Variants in PCDHGA8 observed in about 807,000 individuals in gnomAD.
The protein encoded by PCDHGA8 is protocadherin gamma-A8.
In PCDHGA8, 45 loss-of-function variants were observed where a neutral mutation model predicts 59.2. That is an observed-to-expected ratio of 0.76 (90% CI 0.60 to 0.98). The LOEUF is 0.98. Among genes scored for constraint, PCDHGA8 ranks in the 50% least tolerant of loss-of-function variants. PCDHGA8 has a pLI of 0.00. For missense variants in PCDHGA8, 1,257 were observed against 1,196.2 expected (o/e 1.05, Z -0.75); for synonymous variants, 531 against 519.0 (o/e 1.02, Z -0.32).
chr5:141,412,634 A>G (rs1322492563), intron 1 of PCDHGA8: 1 of 152,256 alleles, frequency 6.6e-6, no homozygotes, highest in African/African-American at 2.4e-5. Flanking sequence ...TTAAATTATA[A>G]GACTTTTCTG....
intron 1 of PCDHGA8, chr5:141,408,026 G>A (rs1484571389): frequency 2.8e-6 from 3 of 1,081,716 alleles, no homozygotes; most frequent in African/African-American, 3.2e-5. Context: ...ACAACAGAAA[G>A]AAGAAAACCA....
At chr5:141,488,183 T>C (rs1249953031) in intron 1 of PCDHGA8, among the ~76,000 whole-genome samples, 1 of 152,148 alleles carries the variant, frequency 6.6e-6, no homozygotes, top group Non-Finnish European at 1.5e-5. Flanking sequence ...CATAGATCTT[T>C]TGGTCTGGGT....
intron 1 of PCDHGA8, chr5:141,413,078 C>T: frequency 7.7e-7 from 1 of 1,301,152 alleles, no homozygotes; most frequent in Non-Finnish European, 1.1e-6. Flanking sequence ...AGTGCCCAGG[C>T]TACAGAGACA....
chr5:141,399,975 G>A (rs2093929990), intron 1 of PCDHGA8: 2 of 1,612,126 alleles, frequency 1.2e-6, no homozygotes, highest in East Asian at 2.2e-5. Flanking sequence ...TCAGCCTGGG[G>A]CTGCGCACAG....
At chr5:141,418,000 G>T in intron 1 of PCDHGA8, 1 of 1,613,902 alleles carries the variant, frequency 6.2e-7, no homozygotes, top group Non-Finnish European at 8.5e-7. Context: ...GCTCGGTGGT[G>T]GGGAACCTCG....
intron 1 of PCDHGA8, chr5:141,415,110 C>A: frequency 6.2e-7 from 1 of 1,613,666 alleles, no homozygotes; most frequent in Middle Eastern, 1.7e-4. Flanking sequence ...TCAAGCAAAG[C>A]CTCGTAGTGG....
intron 1 of PCDHGA8, among the ~76,000 whole-genome samples, chr5:141,449,708 A>G (rs2098652470): frequency 6.6e-6 from 1 of 151,418 alleles, no homozygotes; most frequent in African/African-American, 2.4e-5. Context: ...CAAACACATT[A>G]TTTTTATATG....
chr5:141,431,617 C>A lies in PCDHGA8; in HGVS notation c.2424+36380C>A. ...GGTATTCCTTCCGGTATGTGGACGA[C>A]AAGGCGGCCCAAGTTTTCAAACTAG... On this transcript the variant is annotated intron_variant, in intron 1 of 3. Coordinates refer to ENST00000398604, the MANE Select transcript of PCDHGA8 (RefSeq NM_032088.2). This position sits in a 1 kb window ranked among gnomAD's most constrained non-coding sequence, Gnocchi z 4.8. 6.2e-7 allele frequency: 1 copy of A among 1,614,236 alleles called. No homozygotes were observed. Among genetic ancestry groups the A allele is most frequent in the Non-Finnish European group, 8.5e-7 (1 of 1,180,044 alleles).
chr5:141,441,343 C>T (rs2098240806), intron 1 of PCDHGA8: 1 of 152,368 alleles, frequency 6.6e-6, no homozygotes, highest in African/African-American at 2.4e-5. Flanking sequence ...TAATTAACTA[C>T]ATGCTTGTAA....
rs1317308437 is a variant in PCDHGA8, at chr5:141,418,492, A to G, written c.2424+23255A>G. The G allele has an allele frequency of 1.9e-6, 3 of 1,613,886 alleles. No homozygotes were observed. The African/African-American group carries it at 4.0e-5, about 22-fold the overall frequency. On this transcript the variant is annotated intron_variant, in intron 1 of 3. Coordinates refer to ENST00000398604, the MANE Select transcript of PCDHGA8 (RefSeq NM_032088.2). ...AAACGCAGAGCGCTCACCACTTGGT[A>G]CTGACCGCCTTAGATGGTGGGGACC... is the stretch of plus-strand genomic sequence containing the variant.
rs191909737 is a variant in PCDHGA8 at position 141,405,622 on chromosome 5, G to A, written c.2424+10385G>A. 9.3e-3 allele frequency: 5,090 copies of A among 544,656 alleles called. 46 individuals are homozygous for A. The highest frequency in any genetic ancestry group is 0.017 in the Admixed American group (494 of 29,130). The allele number at this position is 544,656 out of a possible 1,614,324, so 33.7% of individuals were successfully genotyped here. On this transcript the variant is annotated intron_variant, in intron 1 of 3. Transcript: ENST00000398604. ...GTAGAATAACTGGGACTACAGGCAC[G>A]TGCCACCACGCCCGGCTAATTTTTT...
At chr5:141,414,132 T>A in intron 1 of PCDHGA8, 1 of 1,594,828 alleles carries the variant, frequency 6.3e-7, no homozygotes, top group South Asian at 1.1e-5. Flanking sequence ...CCGGTTTCTA[T>A]GAAATAGAAA....
intron 1 of PCDHGA8, among the ~76,000 whole-genome samples, chr5:141,484,122 T>C (rs1343894991): frequency 6.6e-6 from 1 of 152,180 alleles, no homozygotes; most frequent in African/African-American, 2.4e-5. Context: ...CAAGAATACC[T>C]TGGTGTCAGA....
At chr5:141,504,381 T>C (rs1039838477) in intron 2 of PCDHGA8, among the ~76,000 whole-genome samples, 4 of 152,130 alleles carry the variant, frequency 2.6e-5, no homozygotes, top group Non-Finnish European at 5.9e-5. Context: ...GTGGAGTCGC[T>C]GCCTCACAGA....
intron 1 of PCDHGA8, chr5:141,418,442 G>C: frequency 6.2e-7 from 1 of 1,614,010 alleles, no homozygotes; most frequent in Non-Finnish European, 8.5e-7. Flanking sequence ...TCCAGAATTA[G>C]TATTGCAGAA....
rs968865313 is a variant in PCDHGA8, at chr5:141,511,294, C to T, written c.*121C>T. 1 of 1,506,752 alleles carries T rather than the reference C, an allele frequency of 6.6e-7. No individual in the cohort carries two copies. Among genetic ancestry groups the T allele is most frequent in the Non-Finnish European group, 8.9e-7 (1 of 1,123,692 alleles). 93.3% of individuals were successfully genotyped at this position (1,506,752 alleles called of 1,614,324 possible). On this transcript the variant is annotated 3_prime_UTR_variant, in exon 4 of 4. Coordinates refer to ENST00000398604, the MANE Select transcript of PCDHGA8 (RefSeq NM_032088.2). ...CCCAGAATACTGGTAGGGGCCAAGG[C>T]CATGCTCCCCTTGGGAAACAGAAAC...
intron 1 of PCDHGA8, chr5:141,422,936 C>T: frequency 6.2e-7 from 1 of 1,614,260 alleles, no homozygotes; most frequent in Non-Finnish European, 8.5e-7. Flanking sequence ...GCCCTCCCCA[C>T]AGACGGCTCC....
chr5:141,446,747 G>A (rs997132200), intron 1 of PCDHGA8, among the ~76,000 whole-genome samples: 10 of 152,190 alleles, frequency 6.6e-5, no homozygotes, highest in African/African-American at 1.4e-4. Context: ...GATTACAGGC[G>A]TGAGCCACCG....
Position 141,395,034 on chromosome 5 carries a change from G to C in PCDHGA8, c.2221G>C (p.Val741Leu). 1 of 1,614,150 alleles carries C rather than the reference G, an allele frequency of 6.2e-7. No homozygotes were observed. The highest frequency in any genetic ancestry group is 1.1e-5 in the South Asian group (1 of 91,078). Residue 741 changes from valine to leucine, a missense_variant, in exon 1 of 4, where the codon GTG becomes CTG. By Grantham distance (32) the Val-to-Leu change is conservative. Coordinates refer to ENST00000398604, the MANE Select transcript of PCDHGA8 (RefSeq NM_032088.2). ...RLVGVPASHFVGVEEVQAFLQ... is the reference protein window; with the variant it reads ...RLVGVPASHFLGVEEVQAFLQ... Reference sequence around the variant, plus strand: ...GGTAGGCGTGCCTGCCTCACATTTTGTGGGTGTTGAGGAGGTACAGGCTTT... The same window carrying C: ...GGTAGGCGTGCCTGCCTCACATTTTCTGGGTGTTGAGGAGGTACAGGCTTT...
Sources: allele counts gnomAD v4.1 joint callset (sites outside exome capture counted in the v4.1 genomes callset), GRCh38; gene constraint gnomAD v4.1.1; non-coding constraint Gnocchi (gnomAD v3.1); transcripts MANE v1.5; gene names NCBI Gene and HGNC (gene_info 2026-07-23, HGNC 2026-07-21).